Variants in DGKB observed in about 807,000 individuals in gnomAD.
The protein encoded by DGKB is diacylglycerol kinase beta.
In DGKB, 67 loss-of-function variants were observed where a neutral mutation model predicts 114.3. The ratio of observed to expected loss-of-function variants is 0.59; its 90% CI spans 0.48 to 0.72. The LOEUF (loss-of-function observed/expected upper bound fraction) is 0.72, where lower values mean the gene tolerates loss of function less well. DGKB is among the 30% of genes least tolerant of loss of function. The probability of loss-of-function intolerance (pLI) is 0.00; values close to 1 mark genes in which losing one functional copy is unlikely to be tolerated. For synonymous variants in DGKB, 398 were observed against 323.1 expected (o/e 1.23, Z -2.49); for missense variants, 907 against 975.2 (o/e 0.93, Z 0.93).
intron 21 of DGKB, among the ~76,000 whole-genome samples, chr7:14,470,928 T>C (rs2128887565): frequency 2.0e-5 from 3 of 151,612 alleles, no homozygotes; most frequent in East Asian, 3.9e-4. Context: ...TGGTACTTTA[T>C]ATGGTAAGTA....
At chr7:14,748,002 T>G (rs1171522429) in intron 4 of DGKB, among the ~76,000 whole-genome samples, 1 of 152,220 alleles carries the variant, frequency 6.6e-6, no homozygotes, top group Non-Finnish European at 1.5e-5. Context: ...CCTTTGTTTT[T>G]AAATCCCTGT....
intron 1 of DGKB, among the ~76,000 whole-genome samples, chr7:14,974,368 T>C (rs1246859797): frequency 1.3e-5 from 2 of 152,092 alleles, no homozygotes; most frequent in African/African-American, 4.8e-5. Context: ...ATTTTAAATC[T>C]TTGCTTAATT....
At chr7:14,325,315 C>T (rs10250450) in intron 23 of DGKB, among the ~76,000 whole-genome samples, 8,680 of 152,008 alleles carry the variant, frequency 0.057, 445 homozygotes, top group East Asian at 0.25. Context: ...TATATGGTTC[C>T]GAGGGAATCA....
Position 14,626,280 on chromosome 7 carries a change from T to C in DGKB, c.1167+3956A>G, listed in dbSNP as rs532547130. On this transcript the variant is annotated intron_variant, in intron 14 of 25. Coordinates refer to ENST00000402815, the MANE Select transcript of DGKB (RefSeq NM_001350709.2). The stretch of plus-strand genomic sequence containing the variant: ...ACAGGGTTTTCTTCTTTTTGTCCAA[T>C]CTCAGCATGAGAAACTGGCAGCAGC... 3.9e-5 allele frequency among the ~76,000 whole-genome samples: 6 copies of C among 152,302 alleles called. No individual in the cohort carries two copies. The East Asian group carries it at 1.2e-3, about 29-fold the overall frequency.
intron 13 of DGKB, among the ~76,000 whole-genome samples, chr7:14,639,767 G>GT (rs1811398985): frequency 6.6e-6 from 1 of 151,932 alleles, no homozygotes; most frequent in Non-Finnish European, 1.5e-5. Context: ...TTTTGTTTTT[G>GT]TTTTTTTCTA....
intron 20 of DGKB, among the ~76,000 whole-genome samples, chr7:14,524,725 C>T (rs1427851832): frequency 6.9e-6 from 1 of 144,802 alleles, no homozygotes; most frequent in East Asian, 2.0e-4. Flanking sequence ...CACTGCACTC[C>T]AGCATGGATG....
At chr7:14,358,705 G>A (rs1815088422) in intron 21 of DGKB, among the ~76,000 whole-genome samples, 2 of 152,066 alleles carry the variant, frequency 1.3e-5, no homozygotes, top group Non-Finnish European at 2.9e-5. Flanking sequence ...ATTAACAATT[G>A]CTACAAAGAG....
chr7:14,730,352 C>A (rs1438696450), intron 5 of DGKB, among the ~76,000 whole-genome samples: 2 of 152,070 alleles, frequency 1.3e-5, no homozygotes, highest in Non-Finnish European at 1.5e-5. Flanking sequence ...TACCAGAGTG[C>A]CAGGGTTTCT....
intron 1 of DGKB, among the ~76,000 whole-genome samples, chr7:14,956,886 A>C (rs1786537893): frequency 6.6e-6 from 1 of 151,838 alleles, no homozygotes; most frequent in Non-Finnish European, 1.5e-5. Flanking sequence ...AGCAGTTAAC[A>C]TGAAGTTAAA....
intron 20 of DGKB, among the ~76,000 whole-genome samples, chr7:14,525,002 G>C (rs959662061): frequency 6.6e-6 from 1 of 151,986 alleles, no homozygotes; most frequent in Non-Finnish European, 1.5e-5. Flanking sequence ...ACACACTGTT[G>C]ATCATGATTG....
chr7:14,177,490 G>C, intron 24 of DGKB, among the ~76,000 whole-genome samples: 1 of 148,048 alleles, frequency 6.8e-6, no homozygotes, highest in South Asian at 2.1e-4. Context: ...GGAAGGTGGG[G>C]TTGCAGTGAG....
chr7:14,455,362 A>G (rs1277678214), intron 21 of DGKB, among the ~76,000 whole-genome samples: 2 of 152,036 alleles, frequency 1.3e-5, no homozygotes, highest in Non-Finnish European at 2.9e-5. Flanking sequence ...ATGCTCCCTC[A>G]AAGAAATAAG....
chr7:14,565,136 G>A (rs930819362), intron 20 of DGKB, among the ~76,000 whole-genome samples: 1 of 152,112 alleles, frequency 6.6e-6, no homozygotes, highest in African/African-American at 2.4e-5. Flanking sequence ...GATGCAAACA[G>A]AGGTTTGCAT....
At chr7:14,880,900 C>G (rs1010964524) in intron 1 of DGKB, among the ~76,000 whole-genome samples, 3 of 151,968 alleles carry the variant, frequency 2.0e-5, no homozygotes, top group African/African-American at 7.3e-5. Flanking sequence ...TTGCTCGTTT[C>G]CAGTTTTATG....
At chr7:14,150,496 A>G (rs185441000) in intron 25 of DGKB, among the ~76,000 whole-genome samples, 8 of 152,226 alleles carry the variant, frequency 5.3e-5, no homozygotes, top group African/African-American at 1.9e-4. Context: ...AAGTATGTGA[A>G]AAACCTTGAA....
At chr7:14,478,247 CA>C in intron 20 of DGKB, 22 bp from the exon 21 acceptor site, 1 of 1,468,026 alleles carries the variant, frequency 6.8e-7, no homozygotes, top group Non-Finnish European at 9.3e-7. Context: ...AAATAGAAAA[CA>C]AAAACAGGAT....
chr7:14,758,311 G>A (rs1323179192), intron 2 of DGKB, among the ~76,000 whole-genome samples: 2 of 151,804 alleles, frequency 1.3e-5, no homozygotes, highest in Non-Finnish European at 2.9e-5. Context: ...TTGGTGACAA[G>A]AAATTTTAAG....
intron 21 of DGKB, among the ~76,000 whole-genome samples, chr7:14,449,553 A>G (rs1313516952): frequency 6.6e-6 from 1 of 152,032 alleles, no homozygotes; most frequent in Non-Finnish European, 1.5e-5. Context: ...AAACTCCTAA[A>G]AAACCATCTG....
Position 14,966,446 on chromosome 7 carries a change from G to GTATA in DGKB, c.-188+8246_-188+8249dup, listed in dbSNP as rs141065134. On this transcript the variant is annotated intron_variant, in intron 1 of 4. Transcript: ENST00000437998. ...CAAGGGAATACACACATATTTGTGT[G>GTATA]TATATATATATATATATGTACATTA... 4.4e-3 allele frequency among the ~76,000 whole-genome samples: 655 copies of GTATA among 148,890 alleles called. 6 individuals are homozygous for GTATA. The highest frequency in any genetic ancestry group is 0.013 in the African/African-American group (545 of 40,722).
Sources: gnomAD v4.1 joint callset for allele counts (sites outside exome capture counted in the v4.1 genomes callset) on GRCh38, gnomAD v4.1.1 for gene constraint, MANE v1.5 for transcripts, NCBI Gene and HGNC (gene_info 2026-07-23, HGNC 2026-07-21) for gene names.